Variants in KIAA1217 observed in about 807,000 individuals in gnomAD.
KIAA1217 encodes KIAA1217, also known as sickle tail protein homolog.
A neutral mutation model predicts 163.9 loss-of-function variants in KIAA1217; 88 were observed. That is an observed-to-expected ratio of 0.54 (90% CI 0.45 to 0.64). KIAA1217 has a LOEUF of 0.64. KIAA1217 is among the 30% of genes least tolerant of loss of function. The pLI, the probability that KIAA1217 is intolerant of heterozygous loss-of-function variation, is 0.00. For synonymous variants in KIAA1217, 903 were observed against 923.1 expected (o/e 0.98, Z 0.39); for missense variants, 2,372 against 2,475.0 (o/e 0.96, Z 0.88).
intron 3 of KIAA1217, among the ~76,000 whole-genome samples, chr10:24,400,406 G>A (rs973599012): frequency 5.3e-5 from 8 of 152,146 alleles, no homozygotes; most frequent in African/African-American, 1.4e-4. Context: ...TTGGCAAGAG[G>A]TCCTGCCTGT....
intron 3 of KIAA1217, among the ~76,000 whole-genome samples, chr10:24,385,529 C>G (rs2053888939): frequency 6.6e-6 from 1 of 152,130 alleles, no homozygotes; most frequent in Non-Finnish European, 1.5e-5. Context: ...CACACAAGTC[C>G]TTTCTGAGGC....
At chr10:24,070,461 A>G (rs775095616) in intron 2 of KIAA1217, among the ~76,000 whole-genome samples, 16 of 152,368 alleles carry the variant, frequency 1.1e-4, no homozygotes, top group South Asian at 6.2e-4. Flanking sequence ...AGCAGGTAAT[A>G]GATTGGTATA....
chr10:24,459,879 T>G (rs1025714002), intron 5 of KIAA1217, among the ~76,000 whole-genome samples: 2 of 152,218 alleles, frequency 1.3e-5, no homozygotes, highest in African/African-American at 4.8e-5. Context: ...TTCAGTGAGC[T>G]ATGATCACAC....
chr10:24,336,092 A>G (rs1254869519), intron 2 of KIAA1217, among the ~76,000 whole-genome samples: 1 of 152,098 alleles, frequency 6.6e-6, no homozygotes, highest in Admixed American at 6.6e-5. Flanking sequence ...AATACAAACA[A>G]TTAGCTGGGT....
At chr10:23,939,844 A>G (rs1465737307) in intron 1 of KIAA1217, among the ~76,000 whole-genome samples, 1 of 151,242 alleles carries the variant, frequency 6.6e-6, no homozygotes, top group Non-Finnish European at 1.5e-5. Flanking sequence ...TGGAACTTTT[A>G]CTAAGAAAGG....
chr10:24,355,609 A>C (rs56372588), intron 2 of KIAA1217, among the ~76,000 whole-genome samples: 9,715 of 151,674 alleles, frequency 0.064, 402 homozygotes, highest in Non-Finnish European at 0.092. Flanking sequence ...TCAACATGTA[A>C]ATTTGGGGTT....
intron 3 of KIAA1217, among the ~76,000 whole-genome samples, chr10:24,403,616 A>T (rs2056833649): frequency 6.6e-6 from 1 of 152,250 alleles, no homozygotes; most frequent in African/African-American, 2.4e-5. Flanking sequence ...ATGAAGGACC[A>T]GTATCTAGAA....
intron 1 of KIAA1217, among the ~76,000 whole-genome samples, chr10:23,810,962 T>G (rs1198879956): frequency 5.9e-5 from 7 of 118,542 alleles, no homozygotes; most frequent in Non-Finnish European, 9.5e-5. Flanking sequence ...ATAATATATA[T>G]AGTATATATT....
At chr10:24,117,616 C>T (rs564120119) in intron 2 of KIAA1217, among the ~76,000 whole-genome samples, 11 of 152,156 alleles carry the variant, frequency 7.2e-5, no homozygotes, top group Admixed American at 2.0e-4. Context: ...GCCTGGGCAA[C>T]GGAGTGAGAT....
At chr10:24,375,647 T>C (rs553951164) in intron 2 of KIAA1217, among the ~76,000 whole-genome samples, 78 of 152,240 alleles carry the variant, frequency 5.1e-4, no homozygotes, top group Admixed American at 1.2e-3. Context: ...AAATTAACCA[T>C]GTCCTTTAAT....
Position 23,824,658 on chromosome 10 carries a change from A to AAATATAT in KIAA1217, c.-321+129425_-321+129426insATATATA, listed in dbSNP as rs1837805755. Among the ~76,000 whole-genome samples, 14 of 53,046 alleles carry AAATATAT rather than the reference A, an allele frequency of 2.6e-4. 1 individual carries two copies. Among genetic ancestry groups the AAATATAT allele is most frequent in the Admixed American group, 5.9e-4 (2 of 3,362 alleles). 34.8% of individuals were successfully genotyped at this position (53,046 alleles called of 152,430 possible). On this transcript the variant is annotated intron_variant, in intron 1 of 18. Coordinates refer to the KIAA1217 transcript ENST00000376462. ...AAAAAAAAAAAAAAAAAATAAAAAAAATATATATATATATATATATATATG... is the reference window on the plus strand; with the variant it reads ...AAAAAAAAAAAAAAAAAATAAAAAAAAATATATATATATATATATATATATATATATG...
At chr10:24,394,878 T>G (rs543692829) in intron 3 of KIAA1217, among the ~76,000 whole-genome samples, 3 of 152,348 alleles carry the variant, frequency 2.0e-5, no homozygotes. Context: ...AGTTTCATGA[T>G]GCTTCTTTAA....
chr10:24,483,514 G>A (rs567379974), intron 6 of KIAA1217, among the ~76,000 whole-genome samples: 1 of 152,324 alleles, frequency 6.6e-6, no homozygotes, highest in Non-Finnish European at 1.5e-5. Context: ...AAAAGGAAAT[G>A]CACTAGAGAG....
At chr10:24,497,719 C>CAA (rs576820337) in intron 8 of KIAA1217, among the ~76,000 whole-genome samples, 18 of 75,518 alleles carry the variant, frequency 2.4e-4, no homozygotes, top group Admixed American at 4.8e-4. Flanking sequence ...GACCTTGTCT[C>CAA]AAAAAAAAAA....
At chr10:23,990,718 C>A (rs1371396505) in intron 1 of KIAA1217, among the ~76,000 whole-genome samples, 2 of 151,986 alleles carry the variant, frequency 1.3e-5, no homozygotes, top group Non-Finnish European at 2.9e-5. Context: ...GAGTCATGAG[C>A]AAATAAAAAT....
At chr10:24,491,321 G>A (rs561171384) in intron 6 of KIAA1217, among the ~76,000 whole-genome samples, 23 of 117,734 alleles carry the variant, frequency 2.0e-4, no homozygotes, top group African/African-American at 6.1e-4. Context: ...ACAGAGTCTC[G>A]CTCTGTCTCC....
At chr10:24,520,651 A>AATATATATATAT (rs71472811) in intron 11 of KIAA1217, among the ~76,000 whole-genome samples, 11 of 39,656 alleles carry the variant, frequency 2.8e-4, no homozygotes, top group South Asian at 1.1e-3. Flanking sequence ...AAAAAAAAAA[A>AATATATATATAT]ATATATATAT....
chr10:23,925,611 G>A (rs1400790505), intron 1 of KIAA1217, among the ~76,000 whole-genome samples: 1 of 152,158 alleles, frequency 6.6e-6, no homozygotes, highest in East Asian at 1.9e-4. Flanking sequence ...TGTTTCGAAG[G>A]CAGAGGCATC....
At chr10:23,774,983 T>C (rs1162388604) in intron 1 of KIAA1217, among the ~76,000 whole-genome samples, 1 of 152,206 alleles carries the variant, frequency 6.6e-6, no homozygotes. Flanking sequence ...ATGGAGAAGA[T>C]GAAGCTGATG....
Sources: allele counts gnomAD v4.1 joint callset (sites outside exome capture counted in the v4.1 genomes callset), GRCh38; gene constraint gnomAD v4.1.1; transcripts MANE v1.5; gene names NCBI Gene and HGNC (gene_info 2026-07-23, HGNC 2026-07-21).